Variants in MN1 observed in about 807,000 individuals in gnomAD.
The protein encoded by MN1 is MN1 proto-oncogene, transcriptional regulator, also known as transcriptional activator MN1.
Under a neutral mutation model 86.9 loss-of-function variants are expected in MN1, and 19 were observed. The observed-to-expected ratio is 0.22, with a 90% confidence interval of 0.15 to 0.32. The LOEUF (loss-of-function observed/expected upper bound fraction) is 0.32, where lower values mean the gene tolerates loss of function less well. Ranked by LOEUF, MN1 falls within the 10% of genes least tolerant of loss-of-function variation. The pLI, the probability that MN1 is intolerant of heterozygous loss-of-function variation, is 1.00. For missense variants in MN1, 1,841 were observed against 1,862.0 expected, an observed-to-expected ratio of 0.99 and a Z score of 0.21; for synonymous variants, 928 against 849.6, an observed-to-expected ratio of 1.09 and a Z score of -1.60.
At chr22:27,759,626 T>C (rs1932821772) in intron 1 of MN1, among the ~76,000 whole-genome samples, 2 of 152,114 alleles carry the variant, frequency 1.3e-5, no homozygotes, top group Non-Finnish European at 2.9e-5. Context: ...AGTTTCCCTA[T>C]CTGTAGAAGG....
intron 1 of MN1, among the ~76,000 whole-genome samples, chr22:27,768,875 C>G (rs1471801878): frequency 6.6e-6 from 1 of 152,130 alleles, no homozygotes; most frequent in Non-Finnish European, 1.5e-5. Context: ...AAGTGTTTGA[C>G]AGCTGTGTGT....
chr22:27,777,547 AAGAG>A lies in MN1; in HGVS notation c.3781+19212_3781+19215del, dbSNP rs956066758. Among the ~76,000 whole-genome samples the A allele has an allele frequency of 4.0e-3, 471 of 116,802 alleles. 3 individuals carry two copies. The highest frequency in any genetic ancestry group is 0.016 in the African/African-American group (449 of 27,300). The allele number at this position is 116,802 out of a possible 152,430, so 76.6% of individuals were successfully genotyped here. On this transcript the variant is annotated intron_variant, in intron 1 of 1. Coordinates refer to ENST00000302326, the MANE Select transcript of MN1 (RefSeq NM_002430.3). The stretch of plus-strand genomic sequence containing the variant: ...GACCTTGTTTCTAAAAAAAAAAAAA[AAGAG>A]AGAGAGAAAAAAAAAATAAAAGTCC...
At chr22:27,770,437 T>C (rs1932904375) in intron 1 of MN1, among the ~76,000 whole-genome samples, 1 of 140,834 alleles carries the variant, frequency 7.1e-6, no homozygotes, top group African/African-American at 2.9e-5. Context: ...TGAGGCCCTC[T>C]TGGGCAGAGA....
chr22:27,798,828 C>T lies in MN1; in HGVS notation c.1716G>A (p.Gln572=). ...GGTGGCCTAGCTGAGCCAGGTTGGG[C>T]TGGCGCAGCCGCTGCTGCTGATTCC... ...ASRNQQQRLR[Q]PNLAQLGHPG... The change falls in exon 1 of 2, where the codon CAG becomes CAA. Residue 572 remains glutamine (Q), a synonymous_variant. Coordinates refer to ENST00000302326, the MANE Select transcript of MN1 (RefSeq NM_002430.3). 2.0e-6 allele frequency: 3 copies of T among 1,538,332 alleles called. No homozygotes were observed. Among genetic ancestry groups the T allele is most frequent in the Non-Finnish European group, 8.7e-7 (1 of 1,146,510 alleles).
At chr22:27,764,012 C>A (rs1932852328) in intron 1 of MN1, among the ~76,000 whole-genome samples, 1 of 152,128 alleles carries the variant, frequency 6.6e-6, no homozygotes, top group African/African-American at 2.4e-5. Context: ...AAGAGACTGG[C>A]CCAGGGACCC....
intron 1 of MN1, among the ~76,000 whole-genome samples, chr22:27,789,028 T>A (rs956450801): frequency 6.6e-6 from 1 of 152,088 alleles, no homozygotes. Flanking sequence ...ATTGAATGCA[T>A]CAACGGGCCA....
intron 1 of MN1, among the ~76,000 whole-genome samples, chr22:27,755,912 A>G (rs1173002708): frequency 6.6e-6 from 1 of 152,234 alleles, no homozygotes; most frequent in African/African-American, 2.4e-5. Context: ...TGGAGCAAGG[A>G]ACTTTTGTAC....
chr22:27,748,965 C>T lies in MN1; in HGVS notation c.*1950G>A, dbSNP rs1469296499. On this transcript the variant is annotated 3_prime_UTR_variant, in exon 2 of 2. Transcript: ENST00000302326. ...TTGCCCAGAATACGGTCAACTCTCCCACAGCCCATGGTGGGGGGAAATTCC... is the reference window on the plus strand; with the variant it reads ...TTGCCCAGAATACGGTCAACTCTCCTACAGCCCATGGTGGGGGGAAATTCC... 1.3e-5 allele frequency: 3 copies of T among 231,162 alleles called. No homozygotes were observed. The highest frequency in any genetic ancestry group is 1.7e-5 in the Non-Finnish European group (2 of 116,826). The allele number at this position is 231,162 out of a possible 1,614,324, so 14.3% of individuals were successfully genotyped here. A position where few individuals can be genotyped will look rare whatever the true frequency, so the allele number is the denominator to read the frequency against.
At chr22:27,783,076 G>A (rs544949665) in intron 1 of MN1, among the ~76,000 whole-genome samples, 1 of 151,980 alleles carries the variant, frequency 6.6e-6, no homozygotes, top group Admixed American at 6.6e-5. Context: ...CTCCACAAGA[G>A]GAAGGGAACA....
chr22:27,799,262 T>C lies in MN1; in HGVS notation c.1282A>G (p.Ser428Gly), dbSNP rs1933382705. ...TGCTGCGGAGGAGGATGCTGCATGC[T>C]GAAAACAGGCTCGGAATAAGGGTGC... ...SMHPYSEPVF[S>G]MQHPPPQQAP... Residue 428 changes from serine to glycine, a missense_variant, in exon 1 of 2, where the codon AGC (serine) becomes GGC (glycine). Ser to Gly is a moderately conservative substitution (Grantham distance 56). Coordinates refer to ENST00000302326, the MANE Select transcript of MN1 (RefSeq NM_002430.3). The C allele has an allele frequency of 1.3e-6, 2 of 1,582,336 alleles. No individual in the cohort carries two copies. Among genetic ancestry groups the C allele is most frequent in the Non-Finnish European group, 8.6e-7 (1 of 1,162,828 alleles).
chr22:27,788,436 C>A (rs1243192894), intron 1 of MN1, among the ~76,000 whole-genome samples: 1 of 152,116 alleles, frequency 6.6e-6, no homozygotes, highest in African/African-American at 2.4e-5. Context: ...GAAGACTGAG[C>A]TTTGGGGATT....
In MN1 at chr22:27,800,749, G is replaced by T; in HGVS notation, c.-206C>A. 1.6e-6 allele frequency: 1 copy of T among 636,256 alleles called. No individual in the cohort carries two copies. The highest frequency in any genetic ancestry group is 2.7e-6 in the Non-Finnish European group (1 of 371,990). The allele number at this position is 636,256 out of a possible 1,614,324, so 39.4% of individuals were successfully genotyped here. ...TCTCCTGAAGCTCCGATTCTGCCCG[G>T]GGAGGGCCTCTCACATCTTGCGAGG... On this transcript the variant is annotated 5_prime_UTR_variant, in exon 1 of 2. Transcript: ENST00000302326.
At chr22:27,758,001 T>C (rs539738802) in intron 1 of MN1, among the ~76,000 whole-genome samples, 50 of 152,094 alleles carry the variant, frequency 3.3e-4, no homozygotes, top group South Asian at 1.7e-3. Flanking sequence ...CTGGCCCACA[T>C]ACCAACCATC....
chr22:27,750,798 T>A lies in MN1; in HGVS notation c.*117A>T. On this transcript the variant is annotated 3_prime_UTR_variant, in exon 2 of 2. Coordinates refer to ENST00000302326, the MANE Select transcript of MN1 (RefSeq NM_002430.3). ...AACCTAGAGAAAAAAAAAAAACTCA[T>A]CCACTCAGCAATAGTGGCCCTTTCA... The A allele has an allele frequency of 7.3e-6, 6 of 821,360 alleles. No individual in the cohort carries two copies. Among genetic ancestry groups the A allele is most frequent in the South Asian group, 2.6e-5 (1 of 38,974 alleles). 50.9% of individuals were successfully genotyped at this position (821,360 alleles called of 1,614,324 possible).
chr22:27,778,682 G>A (rs1933011181), intron 1 of MN1, among the ~76,000 whole-genome samples: 1 of 152,228 alleles, frequency 6.6e-6, no homozygotes, highest in South Asian at 2.1e-4. Context: ...AAGGCCACAG[G>A]CCTGGCTTCC....
Position 27,798,081 on chromosome 22 carries a change from G to A in MN1, c.2463C>T (p.Gly821=). ...TGGAGAGCGCAGCCAGGCAGCTCTG[G>A]CCGAACAGGTTGTCCTTGGAGCTGG... The part of the protein sequence containing the change: ...NKPSSKDNLF[G]QSCLAALSTA... The change falls in exon 1 of 2, where the codon GGC becomes GGT. Residue 821 remains glycine, a synonymous_variant. Coordinates refer to ENST00000302326, the MANE Select transcript of MN1 (RefSeq NM_002430.3). 1 of 1,611,420 alleles carries A rather than the reference G, an allele frequency of 6.2e-7. No individual in the cohort carries two copies. The highest frequency in any genetic ancestry group is 8.5e-7 in the Non-Finnish European group (1 of 1,179,880).
In MN1 at chr22:27,800,701, ACGGGGGG is replaced by A; in HGVS notation, c.-165_-159del. 1 of 847,858 alleles carries A rather than the reference ACGGGGGG, an allele frequency of 1.2e-6. No individual in the cohort carries two copies. Among genetic ancestry groups the A allele is most frequent in the Non-Finnish European group, 1.8e-6 (1 of 550,648 alleles). The allele number at this position is 847,858 out of a possible 1,614,324, so 52.5% of individuals were successfully genotyped here. A position where few individuals can be genotyped will look rare whatever the true frequency, so the allele number is the denominator to read the frequency against. On this transcript the variant is annotated 5_prime_UTR_variant, in exon 1 of 2. Transcript: ENST00000302326. ...ACCTCCACCCCGCCTGATGTGAGGGACGGGGGGCGGGGTATTAGCTCCTCTCCTGAAG... is the reference window on the plus strand; with the variant it reads ...ACCTCCACCCCGCCTGATGTGAGGGACGGGGTATTAGCTCCTCTCCTGAAG...
chr22:27,758,123 T>G (rs1324059378), intron 1 of MN1, among the ~76,000 whole-genome samples: 1 of 152,050 alleles, frequency 6.6e-6, no homozygotes, highest in Non-Finnish European at 1.5e-5. Flanking sequence ...CTCTCCTGCT[T>G]GAACCTTCCA....
rs372510967 is a variant in MN1 at position 27,799,097 on chromosome 22, C to G, written c.1447G>C (p.Asp483His). 1.2e-6 allele frequency: 2 copies of G among 1,605,976 alleles called. No homozygotes were observed. The highest frequency in any genetic ancestry group is 1.7e-6 in the Non-Finnish European group (2 of 1,174,630). The change falls in exon 1 of 2, where the codon GAT becomes CAT. Residue 483 changes from aspartate (D) to histidine (H), a missense_variant. Coordinates refer to ENST00000302326, the MANE Select transcript of MN1 (RefSeq NM_002430.3). ...WNGSMHNGAL[D>H]NHLSPSAYPG... Reference sequence around the variant, plus strand: ...TAGGCGGAAGGGGAGAGGTGATTATCCAGAGCGCCGTTGTGCATGCTGCCG... The same window carrying G: ...TAGGCGGAAGGGGAGAGGTGATTATGCAGAGCGCCGTTGTGCATGCTGCCG...
Sources: allele counts gnomAD v4.1 joint callset (sites outside exome capture counted in the v4.1 genomes callset), GRCh38; gene constraint gnomAD v4.1.1; transcripts MANE v1.5; gene names NCBI Gene and HGNC (gene_info 2026-07-23, HGNC 2026-07-21).